Variants in CCDC175 observed in about 807,000 individuals in gnomAD.
CCDC175 encodes the protein coiled-coil domain-containing protein 175.
CCDC175 carries 100 observed loss-of-function variants against 114.6 expected under a neutral mutation model. That is an observed-to-expected ratio of 0.87 (90% CI 0.74 to 1.03). The LOEUF (loss-of-function observed/expected upper bound fraction) is 1.03, where lower values mean the gene tolerates loss of function less well. Ranked by LOEUF, CCDC175 falls within the 50% of genes least tolerant of loss-of-function variation. The probability of loss-of-function intolerance (pLI) is 0.00; values close to 1 mark genes in which losing one functional copy is unlikely to be tolerated. For missense variants in CCDC175, 880 were observed against 917.8 expected, an observed-to-expected ratio of 0.96 and a Z score of 0.53; for synonymous variants, 306 against 308.7, an observed-to-expected ratio of 0.99 and a Z score of 0.09.
intron 14 of CCDC175, among the ~76,000 whole-genome samples, 175 bp downstream of exon 14, chr14:59,531,597 T>A (rs931375887): frequency 1.3e-5 from 2 of 152,136 alleles, no homozygotes; most frequent in Non-Finnish European, 2.9e-5. Context: ...AAGATGGTAG[T>A]GTGGAGGAGA....
chr14:59,516,172 G>A (rs1266382935), intron 17 of CCDC175, among the ~76,000 whole-genome samples: 15 of 152,218 alleles, frequency 9.9e-5, no homozygotes, highest in Admixed American at 9.2e-4. Context: ...AAAGCAGTAT[G>A]TAGAGGGAAA....
Position 59,574,973 on chromosome 14 carries a change from A to G in CCDC175, c.213T>C (p.Leu71=). The G allele has an allele frequency of 1.3e-6, 2 of 1,515,996 alleles. No homozygotes were observed. The highest frequency in any genetic ancestry group is 2.4e-5 in the South Asian group (2 of 82,482). The allele number at this position is 1,515,996 out of a possible 1,614,324, so 93.9% of individuals were successfully genotyped here. A position where few individuals can be genotyped will look rare whatever the true frequency, so the allele number is the denominator to read the frequency against. The part of the protein sequence containing the change: ...FKCNEEAKIF[L]KDIAVAVKKL... ...TCTTAACAGCTACAGCAATGTCCTT[A>G]AGAAAGATCTTAGCTTCTTCATTAC... is the stretch of plus-strand genomic sequence containing the variant. The change falls in exon 2 of 20, where the codon CTT becomes CTC. Residue 71 remains leucine (L), a synonymous_variant. Transcript: ENST00000537690.
chr14:59,545,157 A>T lies in CCDC175; in HGVS notation c.1172+6T>A. Reference sequence around the variant, plus strand: ...TGTTGAATCACACGTGTGGGTAAAGACATACTCATCATGAATCTTTTGTTT... The same window carrying T: ...TGTTGAATCACACGTGTGGGTAAAGTCATACTCATCATGAATCTTTTGTTT... On this transcript the variant is annotated splice_donor_region_variant and intron_variant, in intron 9 of 19. Coordinates refer to ENST00000537690, the MANE Select transcript of CCDC175 (RefSeq NM_001164399.2). The T allele has an allele frequency of 6.5e-7, 1 of 1,536,322 alleles. No homozygotes were observed. The highest frequency in any genetic ancestry group is 8.7e-7 in the Non-Finnish European group (1 of 1,146,600).
chr14:59,545,778 C>T (rs771003336), intron 8 of CCDC175, among the ~76,000 whole-genome samples: 6 of 152,042 alleles, frequency 3.9e-5, no homozygotes, highest in South Asian at 2.1e-4. Flanking sequence ...TTGCTTCAAA[C>T]GAGGTAAGAA....
chr14:59,527,111 C>A lies in CCDC175; in HGVS notation c.1826G>T (p.Arg609Ile). Residue 609 changes from arginine to isoleucine, a missense_variant, in exon 15 of 20, where the codon AGA (arginine) becomes ATA (isoleucine). Arg to Ile is a moderately conservative substitution (Grantham distance 97, BLOSUM62 -3). Transcript: ENST00000537690. ...HIFLFTRDFS[R>I]YISNMEDVKQ... The stretch of plus-strand genomic sequence containing the variant: ...ATCTTTTACCATGTTGCTAATGTAT[C>A]TTGAAAAGTCCCTTGTAAACAGAAA... 2 of 1,473,452 alleles carry A rather than the reference C, an allele frequency of 1.4e-6. No individual in the cohort carries two copies. Among genetic ancestry groups the A allele is most frequent in the Non-Finnish European group, 1.8e-6 (2 of 1,110,928 alleles). 91.3% of individuals were successfully genotyped at this position (1,473,452 alleles called of 1,614,324 possible).
intron 1 of CCDC175, among the ~76,000 whole-genome samples, chr14:59,575,433 T>C (rs1897055039): frequency 6.6e-6 from 1 of 151,998 alleles, no homozygotes; most frequent in African/African-American, 2.4e-5. Context: ...GGTCTGTCAT[T>C]GACAGTGACC....
intron 8 of CCDC175, among the ~76,000 whole-genome samples, chr14:59,549,774 G>T (rs570480859): frequency 6.6e-6 from 1 of 150,424 alleles, no homozygotes; most frequent in African/African-American, 2.4e-5. Flanking sequence ...AGGAAATTAA[G>T]TTTGGATATA....
chr14:59,524,055 A>C (rs1435987287), intron 16 of CCDC175, among the ~76,000 whole-genome samples: 1 of 152,138 alleles, frequency 6.6e-6, no homozygotes, highest in African/African-American at 2.4e-5. Flanking sequence ...CCATTTTAAG[A>C]GGCCAAAATG....
chr14:59,517,651 C>T (rs570221125), intron 17 of CCDC175, among the ~76,000 whole-genome samples: 2 of 152,280 alleles, frequency 1.3e-5, no homozygotes, highest in African/African-American at 4.8e-5. Context: ...CTACAAACCA[C>T]TGCTCAACGA....
intron 6 of CCDC175, 123 bp from the exon 7 acceptor site, chr14:59,561,351 G>A: frequency 1.9e-5 from 9 of 462,098 alleles, no homozygotes; most frequent in South Asian, 1.0e-4. Context: ...TGTACTTCAA[G>A]GAAAAAAAGC....
intron 3 of CCDC175, 85 bp downstream of exon 3, chr14:59,572,617 A>G (rs1295086584): frequency 5.7e-6 from 4 of 698,706 alleles, no homozygotes; most frequent in Non-Finnish European, 9.1e-6. Context: ...TACATGAGCA[A>G]TAACTATGAA....
chr14:59,551,072 A>T (rs1895443766), intron 8 of CCDC175: 1 of 215,426 alleles, frequency 4.6e-6, no homozygotes. Context: ...AATTCACATC[A>T]AAAATATCCA....
intron 13 of CCDC175, among the ~76,000 whole-genome samples, chr14:59,536,017 C>T (rs1344547381): frequency 4.6e-5 from 7 of 152,162 alleles, no homozygotes; most frequent in Non-Finnish European, 1.0e-4. Flanking sequence ...TCCAGAGCTC[C>T]CCAGAGAGAG....
At chr14:59,515,134 C>A (rs936887733) in intron 17 of CCDC175, among the ~76,000 whole-genome samples, 1 of 152,100 alleles carries the variant, frequency 6.6e-6, no homozygotes, top group African/African-American at 2.4e-5. Flanking sequence ...TTTGTCACCA[C>A]CAGGCCTGCC....
intron 3 of CCDC175, 94 bp downstream of exon 3, chr14:59,572,608 A>T (rs991999035): frequency 1.5e-6 from 1 of 650,072 alleles, no homozygotes; most frequent in Non-Finnish European, 2.5e-6. Flanking sequence ...GCTCTATCTT[A>T]CATGAGCAAT....
chr14:59,568,451 A>G, intron 3 of CCDC175, 71 bp from the exon 4 acceptor site: 1 of 1,192,958 alleles, frequency 8.4e-7, no homozygotes, highest in Non-Finnish European at 1.1e-6. Context: ...ACTTTCACGC[A>G]AAAAAGCTTT....
Position 59,505,207 on chromosome 14 carries a change from T to C in CCDC175, c.*32A>G. 1 of 1,180,532 alleles carries C rather than the reference T, an allele frequency of 8.5e-7. No homozygotes were observed. The highest frequency in any genetic ancestry group is 1.6e-5 in the South Asian group (1 of 62,366). 73.1% of individuals were successfully genotyped at this position (1,180,532 alleles called of 1,614,324 possible). On this transcript the variant is annotated 3_prime_UTR_variant, in exon 20 of 20. Coordinates refer to ENST00000537690, the MANE Select transcript of CCDC175 (RefSeq NM_001164399.2). ...CACTCACTTTTCCTGTAGTAGTCTG[T>C]CTTTTGAATTCACAGCAGTTGTATC... is the stretch of plus-strand genomic sequence containing the variant.
At position 59,576,712 on chromosome 14, in the gene CCDC175, C is replaced by T; in HGVS notation, c.64G>A (p.Val22Ile). ...AACTCCAGGGAGGGGCCAGTGGAGACGGCAGCCGCCTGCACCAGCTTCTCG... is the reference window on the plus strand; with the variant it reads ...AACTCCAGGGAGGGGCCAGTGGAGATGGCAGCCGCCTGCACCAGCTTCTCG... The part of the protein sequence containing the change: ...AGEKLVQAAA[V>I]STGPSLELCT... Residue 22 changes from valine (V) to isoleucine (I), a missense_variant, in exon 1 of 20, where the codon GTC becomes ATC. Val to Ile is a conservative substitution (Grantham distance 29). Coordinates refer to ENST00000537690, the MANE Select transcript of CCDC175 (RefSeq NM_001164399.2). 1 of 1,478,926 alleles carries T rather than the reference C, an allele frequency of 6.8e-7. No homozygotes were observed. 91.6% of individuals were successfully genotyped at this position (1,478,926 alleles called of 1,614,324 possible).
At chr14:59,518,093 A>G (rs1893209687) in intron 17 of CCDC175, among the ~76,000 whole-genome samples, 4 of 152,222 alleles carry the variant, frequency 2.6e-5, no homozygotes, top group Admixed American at 2.6e-4. Flanking sequence ...TTTAATAATT[A>G]GTGCTGGGAA....
Sources: allele counts gnomAD v4.1 joint callset (sites outside exome capture counted in the v4.1 genomes callset), GRCh38; gene constraint gnomAD v4.1.1; transcripts MANE v1.5; gene names NCBI Gene and HGNC (gene_info 2026-07-23, HGNC 2026-07-21).